The following LY86 variants were observed in gnomAD, a reference collection of about 807,000 sequenced individuals.
LY86 encodes the protein lymphocyte antigen 86.
A neutral mutation model predicts 17.3 loss-of-function variants in LY86; 20 were observed. The ratio of observed to expected loss-of-function variants is 1.15; its 90% CI spans 0.81 to 1.68. The LOEUF is 1.68. Among genes scored for constraint, LY86 ranks in the 40% most tolerant of loss-of-function variants. The pLI, the probability that LY86 is intolerant of heterozygous loss-of-function variation, is 0.00. For missense variants in LY86, 200 were observed against 191.9 expected, an observed-to-expected ratio of 1.04 and a Z score of -0.25; for synonymous variants, 74 against 70.6, an observed-to-expected ratio of 1.05 and a Z score of -0.24.
intron 1 of LY86, among the ~76,000 whole-genome samples, chr6:6,604,371 T>C (rs151149693): frequency 6.6e-6 from 1 of 151,488 alleles, no homozygotes; most frequent in African/African-American, 2.4e-5. Flanking sequence ...GAGAAAAAAA[T>C]AGTATCAAAA....
At chr6:6,616,378 C>T (rs1404688663) in intron 1 of LY86, among the ~76,000 whole-genome samples, 1 of 152,184 alleles carries the variant, frequency 6.6e-6, no homozygotes, top group Non-Finnish European at 1.5e-5. Context: ...GTGAGACCCG[C>T]ACAGCAACCA....
At chr6:6,652,175 G>T (rs1410468277) in intron 4 of LY86, among the ~76,000 whole-genome samples, 1 of 151,872 alleles carries the variant, frequency 6.6e-6, no homozygotes, top group Non-Finnish European at 1.5e-5. Context: ...ACCGCTGATG[G>T]TACTCAAGCA....
At chr6:6,626,234 G>A in intron 2 of LY86, 59 bp from the exon 3 acceptor site, 1 of 1,551,962 alleles carries the variant, frequency 6.4e-7, no homozygotes, top group Non-Finnish European at 8.8e-7. Flanking sequence ...TACTGTGAAT[G>A]CCTCTGATAC....
intron 1 of LY86, among the ~76,000 whole-genome samples, chr6:6,621,865 G>T (rs560049168): frequency 6.6e-6 from 1 of 152,068 alleles, no homozygotes; most frequent in African/African-American, 2.4e-5. Flanking sequence ...AATGACAGAG[G>T]TATACAAACA....
chr6:6,589,864 G>A (rs1760471479), intron 1 of LY86, among the ~76,000 whole-genome samples: 1 of 152,044 alleles, frequency 6.6e-6, no homozygotes, highest in African/African-American at 2.4e-5. Context: ...GCTCACACCT[G>A]TAATCCCAGC....
rs1442877015 is a variant in LY86 at position 6,654,470 on chromosome 6, C to T, written c.406-74C>T. 3 of 1,169,122 alleles carry T rather than the reference C, an allele frequency of 2.6e-6. No homozygotes were observed. The African/African-American group carries it at 4.5e-5, about 18-fold the overall frequency. The allele number at this position is 1,169,122 out of a possible 1,614,324, so 72.4% of individuals were successfully genotyped here. On this transcript the variant is annotated intron_variant, in intron 4 of 4. Transcript: ENST00000230568. ...AACAGCACCCAGCACATAAAAGTTTCTCTGTAAATATTTGTTAAATGGTTA... is the reference window on the plus strand; with the variant it reads ...AACAGCACCCAGCACATAAAAGTTTTTCTGTAAATATTTGTTAAATGGTTA...
chr6:6,626,569 A>G (rs549506869), intron 3 of LY86, 148 bp downstream of exon 3: 1 of 834,970 alleles, frequency 1.2e-6, no homozygotes, highest in East Asian at 2.6e-5. Context: ...CATGTGTTGC[A>G]GAAAAATAAC....
chr6:6,636,910 A>C (rs1761967666), intron 3 of LY86, among the ~76,000 whole-genome samples: 1 of 150,202 alleles, frequency 6.7e-6, no homozygotes, highest in Non-Finnish European at 1.5e-5. Context: ...AAAAAAACAG[A>C]ACTAAAAGCA....
At chr6:6,634,031 A>G (rs181908534) in intron 3 of LY86, among the ~76,000 whole-genome samples, 1 of 152,306 alleles carries the variant, frequency 6.6e-6, no homozygotes. Context: ...AGAGGACTTA[A>G]TTATGCCTTA....
intron 1 of LY86, among the ~76,000 whole-genome samples, chr6:6,601,507 G>T (rs1347397035): frequency 6.6e-6 from 1 of 152,180 alleles, no homozygotes; most frequent in East Asian, 1.9e-4. Flanking sequence ...CAGATCACGA[G>T]GTCAGGAGAT....
chr6:6,642,558 TA>T (rs1762054645), intron 3 of LY86, among the ~76,000 whole-genome samples: 1 of 152,250 alleles, frequency 6.6e-6, no homozygotes, highest in African/African-American at 2.4e-5. Context: ...GGGATCTAGC[TA>T]CCGTGACATT....
At chr6:6,589,805 TTTAGC>T (rs1235834222) in intron 1 of LY86, among the ~76,000 whole-genome samples, 1 of 152,092 alleles carries the variant, frequency 6.6e-6, no homozygotes. Flanking sequence ...ATGGCCTCAC[TTTAGC>T]TTAATCAGCT....
At chr6:6,618,488 CA>C (rs933409763) in intron 1 of LY86, among the ~76,000 whole-genome samples, 21 of 151,522 alleles carry the variant, frequency 1.4e-4, no homozygotes, top group African/African-American at 4.9e-4. Flanking sequence ...TTGAGTTTAG[CA>C]GCCCAAACAT....
intron 1 of LY86, among the ~76,000 whole-genome samples, chr6:6,613,244 G>A (rs1336741097): frequency 6.6e-6 from 1 of 152,278 alleles, no homozygotes; most frequent in African/African-American, 2.4e-5. Flanking sequence ...GGCCGCAGGT[G>A]GAGCTGCCTG....
chr6:6,640,845 T>C (rs187848452), intron 3 of LY86, among the ~76,000 whole-genome samples: 11 of 152,290 alleles, frequency 7.2e-5, no homozygotes, highest in African/African-American at 2.4e-4. Flanking sequence ...ATTTTATAAA[T>C]GATTCATTAC....
intron 1 of LY86, among the ~76,000 whole-genome samples, chr6:6,611,224 TAC>T (rs1167284267): frequency 1.3e-5 from 2 of 152,234 alleles, no homozygotes; most frequent in African/African-American, 4.8e-5. Context: ...GTTCCCAGAA[TAC>T]ACAGTCTTTG....
At chr6:6,637,762 G>A (rs3804486) in intron 3 of LY86, among the ~76,000 whole-genome samples, 43,928 of 151,890 alleles carry the variant, frequency 0.29, 6,557 homozygotes, top group Middle Eastern at 0.38. Context: ...CTTTCCAGTC[G>A]CATTACTCTT....
At chr6:6,648,952 T>C (rs1274995375) in intron 3 of LY86, among the ~76,000 whole-genome samples, 2 of 152,218 alleles carry the variant, frequency 1.3e-5, no homozygotes, top group Non-Finnish European at 2.9e-5. Flanking sequence ...TCGTCTTGTT[T>C]AGTTATTTCT....
intron 3 of LY86, among the ~76,000 whole-genome samples, chr6:6,644,718 T>A (rs1339985793): frequency 6.6e-6 from 1 of 152,102 alleles, no homozygotes; most frequent in East Asian, 1.9e-4. Context: ...ATTTCTTTAA[T>A]CCACTGCACA....
Sources: allele counts gnomAD v4.1 joint callset (sites outside exome capture counted in the v4.1 genomes callset), GRCh38; gene constraint gnomAD v4.1.1; transcripts MANE v1.5; gene names NCBI Gene and HGNC (gene_info 2026-07-23, HGNC 2026-07-21).